Variants in DPYD observed in about 807,000 individuals in gnomAD.
The protein encoded by DPYD is dihydropyrimidine dehydrogenase [NADP(+)].
A neutral mutation model predicts 116.2 loss-of-function variants in DPYD; 109 were observed. That is an observed-to-expected ratio of 0.94 (90% CI 0.80 to 1.10). DPYD has a LOEUF of 1.10. Ranked by LOEUF, DPYD falls within the 50% of genes least tolerant of loss-of-function variation. DPYD has a pLI of 0.00. For synonymous variants in DPYD, 440 were observed against 432.0 expected (o/e 1.02, Z -0.23); for missense variants, 1,302 against 1,254.5 (o/e 1.04, Z -0.57).
intron 11 of DPYD, among the ~76,000 whole-genome samples, chr1:97,557,517 G>C (rs1570955968): frequency 6.6e-6 from 1 of 151,570 alleles, no homozygotes; most frequent in Admixed American, 6.6e-5. Context: ...GGTTTCAGCA[G>C]GTTGGCCAGG....
intron 11 of DPYD, among the ~76,000 whole-genome samples, chr1:97,558,353 C>CA (rs1383431299): frequency 6.6e-6 from 1 of 151,908 alleles, no homozygotes; most frequent in Non-Finnish European, 1.5e-5. Flanking sequence ...GTTTTTTGGT[C>CA]AAAAAATGTA....
intron 18 of DPYD, chr1:97,295,848 T>C (rs1666495823): frequency 4.3e-6 from 3 of 704,616 alleles, no homozygotes; most frequent in Non-Finnish European, 5.2e-6. Context: ...AAGTGAAATA[T>C]GTTAGTGGTT....
intron 16 of DPYD, among the ~76,000 whole-genome samples, chr1:97,320,589 C>A (rs1570512018): frequency 2.6e-5 from 2 of 76,162 alleles, no homozygotes; most frequent in African/African-American, 5.2e-5. Context: ...AAAGAGGACA[C>A]AAACAAATGG....
chr1:97,825,074 T>C (rs2101467351), intron 3 of DPYD, among the ~76,000 whole-genome samples: 3 of 152,308 alleles, frequency 2.0e-5, no homozygotes, highest in Middle Eastern at 6.8e-3. Flanking sequence ...AATTAATGTA[T>C]TTATTTAACG....
intron 20 of DPYD, among the ~76,000 whole-genome samples, chr1:97,131,758 T>C (rs1653360183): frequency 6.6e-6 from 1 of 151,862 alleles, no homozygotes. Context: ...GAATGAAGAG[T>C]GCAATACGCC....
chr1:97,702,439 T>C (rs1443330114), intron 5 of DPYD, among the ~76,000 whole-genome samples: 2 of 151,886 alleles, frequency 1.3e-5, no homozygotes, highest in Non-Finnish European at 1.5e-5. Flanking sequence ...AATTTTAGCT[T>C]TGTGAACTAA....
intron 8 of DPYD, among the ~76,000 whole-genome samples, chr1:97,608,676 T>A (rs1301817984): frequency 6.6e-6 from 1 of 151,726 alleles, no homozygotes; most frequent in Non-Finnish European, 1.5e-5. Flanking sequence ...TGTAGACAGA[T>A]ATGAGAAATT....
intron 19 of DPYD, among the ~76,000 whole-genome samples, chr1:97,228,700 G>C: frequency 6.6e-6 from 1 of 152,050 alleles, no homozygotes; most frequent in East Asian, 1.9e-4. Flanking sequence ...CTGCTATAAA[G>C]AATTCATTTT....
At chr1:97,275,052 T>C (rs905257289) in intron 18 of DPYD, among the ~76,000 whole-genome samples, 3 of 152,008 alleles carry the variant, frequency 2.0e-5, no homozygotes, top group African/African-American at 7.3e-5. Context: ...GCAGTATGCT[T>C]GTAGGTACCA....
chr1:97,572,753 A>G (rs149512109), intron 11 of DPYD, among the ~76,000 whole-genome samples: 17 of 152,198 alleles, frequency 1.1e-4, no homozygotes, highest in African/African-American at 4.1e-4. Context: ...TCTCGATGAC[A>G]TTAAACATCT....
intron 8 of DPYD, among the ~76,000 whole-genome samples, chr1:97,640,001 T>C (rs1363220504): frequency 6.6e-6 from 1 of 152,154 alleles, no homozygotes; most frequent in African/African-American, 2.4e-5. Context: ...GTTTTTGCCA[T>C]ATCACAAATA....
chr1:97,574,122 A>G, intron 10 of DPYD, 152 bp from the exon 11 acceptor site: 1 of 1,358,814 alleles, frequency 7.4e-7, no homozygotes, highest in Non-Finnish European at 9.9e-7. Flanking sequence ...GTTACCAGTT[A>G]TTTGCATTTT....
intron 4 of DPYD, among the ~76,000 whole-genome samples, chr1:97,737,903 GATCT>G (rs1557921841): frequency 1.3e-5 from 2 of 151,944 alleles, no homozygotes; most frequent in African/African-American, 4.8e-5. Context: ...TTTTAATAAG[GATCT>G]ATCACAAAGA....
At chr1:97,170,192 A>G (rs1656621594) in intron 20 of DPYD, among the ~76,000 whole-genome samples, 1 of 152,168 alleles carries the variant, frequency 6.6e-6, no homozygotes, top group South Asian at 2.1e-4. Flanking sequence ...CATACATTAC[A>G]ATGCTTGAGT....
At chr1:97,089,630 T>C (rs562439550) in intron 21 of DPYD, among the ~76,000 whole-genome samples, 16 of 152,284 alleles carry the variant, frequency 1.1e-4, no homozygotes, top group Non-Finnish European at 1.9e-4. Flanking sequence ...TTCCTCAGAA[T>C]CTTTTTCTTT....
intron 3 of DPYD, among the ~76,000 whole-genome samples, chr1:97,782,187 T>G (rs966479594): frequency 2.6e-5 from 4 of 152,212 alleles, no homozygotes; most frequent in African/African-American, 2.4e-5. Flanking sequence ...GATACATGAT[T>G]AAACCACTGC....
At chr1:97,278,443 A>G (rs549201661) in intron 18 of DPYD, among the ~76,000 whole-genome samples, 17 of 152,200 alleles carry the variant, frequency 1.1e-4, no homozygotes, top group Admixed American at 9.8e-4. Flanking sequence ...GAGATGTGCC[A>G]TTGTTGTTGA....
chr1:97,766,875 C>T (rs1665886296), intron 3 of DPYD, among the ~76,000 whole-genome samples: 1 of 152,142 alleles, frequency 6.6e-6, no homozygotes, highest in Admixed American at 6.6e-5. Context: ...GAAAACTAAT[C>T]AGGTGCCAAA....
At chr1:97,671,906 G>GTCTTT (rs142726239) in intron 8 of DPYD, among the ~76,000 whole-genome samples, 19,227 of 145,950 alleles carry the variant, frequency 0.13, 1,334 homozygotes, top group Middle Eastern at 0.16. Flanking sequence ...TTCTTTTTTT[G>GTCTTT]TCTTTTCTTT....
Sources: allele counts gnomAD v4.1 joint callset (sites outside exome capture counted in the v4.1 genomes callset), GRCh38; gene constraint gnomAD v4.1.1; transcripts MANE v1.5; gene names NCBI Gene and HGNC (gene_info 2026-07-23, HGNC 2026-07-21).